Variants in SPECC1 observed in about 807,000 individuals in gnomAD.
SPECC1 encodes the protein cytospin-B.
Under a neutral mutation model 104.1 loss-of-function variants are expected in SPECC1, and 62 were observed. The ratio of observed to expected loss-of-function variants is 0.60; its 90% CI spans 0.49 to 0.74. SPECC1 has a LOEUF of 0.74. SPECC1 is among the 30% of genes least tolerant of loss of function. The probability of loss-of-function intolerance (pLI) is 0.00; values close to 1 mark genes in which losing one functional copy is unlikely to be tolerated. For missense variants in SPECC1, 1,306 were observed against 1,310.5 expected (o/e 1.00, Z 0.05); for synonymous variants, 513 against 501.6 (o/e 1.02, Z -0.30).
chr17:20,185,848 T>A (rs1597912992), intron 3 of SPECC1, among the ~76,000 whole-genome samples: 1 of 152,016 alleles, frequency 6.6e-6, no homozygotes, highest in Admixed American at 6.6e-5. Flanking sequence ...TATTTATTTA[T>A]TTTTTTTGAG....
intron 12 of SPECC1, among the ~76,000 whole-genome samples, chr17:20,265,839 C>T (rs1441983774): frequency 6.6e-6 from 1 of 152,148 alleles, no homozygotes; most frequent in Non-Finnish European, 1.5e-5. Flanking sequence ...GCAGCATTTG[C>T]TGAATAGGGA....
chr17:20,257,953 CAT>C (rs1414611599), intron 11 of SPECC1, among the ~76,000 whole-genome samples: 2 of 152,174 alleles, frequency 1.3e-5, no homozygotes, highest in East Asian at 3.9e-4. Context: ...TGGGTGGTGT[CAT>C]GTGTCTGAAC....
rs555517530 is a variant in SPECC1, at chr17:20,160,469, C to T, written c.284-43864C>T. 2.2e-3 allele frequency among the ~76,000 whole-genome samples: 331 copies of T among 152,246 alleles called. 1 individual carries two copies. The highest frequency in any genetic ancestry group is 4.0e-3 in the Admixed American group (61 of 15,298). On this transcript the variant is annotated intron_variant, in intron 3 of 14. Coordinates refer to ENST00000395527, the MANE Select transcript of SPECC1 (RefSeq NM_001243439.2). ...GACCCACTGACATGCCAGGGGACTG[C>T]ATCAAGCAGAGAGCATGCATATTGG...
At chr17:20,257,241 A>G (rs1368952785) in intron 10 of SPECC1, among the ~76,000 whole-genome samples, 2 of 152,218 alleles carry the variant, frequency 1.3e-5, no homozygotes, top group Non-Finnish European at 2.9e-5. Context: ...ATTTTTGAGC[A>G]GGAGGTTGAT....
intron 3 of SPECC1, among the ~76,000 whole-genome samples, chr17:20,178,063 C>T (rs1341620250): frequency 6.6e-6 from 1 of 152,058 alleles, no homozygotes; most frequent in Non-Finnish European, 1.5e-5. Context: ...CCCTGTCACC[C>T]AGGCTGGGGT....
At chr17:20,026,960 T>G (rs767731127) in intron 1 of SPECC1, among the ~76,000 whole-genome samples, 2 of 152,104 alleles carry the variant, frequency 1.3e-5, no homozygotes, top group Non-Finnish European at 2.9e-5. Flanking sequence ...ATATTTTGTC[T>G]TTTTGATAGT....
chr17:20,262,123 T>G (rs1193347361), intron 12 of SPECC1, among the ~76,000 whole-genome samples: 1 of 152,218 alleles, frequency 6.6e-6, no homozygotes, highest in African/African-American at 2.4e-5. Context: ...TTTATCCTCA[T>G]TGTTGCATAT....
At chr17:20,262,980 A>G (rs966461151) in intron 12 of SPECC1, among the ~76,000 whole-genome samples, 3 of 152,080 alleles carry the variant, frequency 2.0e-5, no homozygotes, top group Non-Finnish European at 2.9e-5. Context: ...ACTGTAGTGC[A>G]GTGTGGGTCA....
chr17:20,201,242 C>T (rs1055530916), intron 3 of SPECC1, among the ~76,000 whole-genome samples: 19 of 151,616 alleles, frequency 1.3e-4, no homozygotes, highest in African/African-American at 4.4e-4. Context: ...GGGAGATCAC[C>T]TGAGGTCAGG....
chr17:20,213,053 C>G, intron 4 of SPECC1, among the ~76,000 whole-genome samples: 1 of 151,988 alleles, frequency 6.6e-6, no homozygotes, highest in East Asian at 1.9e-4. Flanking sequence ...TGAAATGAAG[C>G]CAGCATTCAA....
intron 1 of SPECC1, among the ~76,000 whole-genome samples, chr17:20,073,041 C>T (rs960232152): frequency 6.6e-6 from 1 of 152,016 alleles, no homozygotes; most frequent in Non-Finnish European, 1.5e-5. Context: ...TTTTGGAGCT[C>T]CCTGAATTCA....
intron 2 of SPECC1, among the ~76,000 whole-genome samples, chr17:20,110,132 C>T (rs1369897391): frequency 3.3e-5 from 5 of 152,200 alleles, no homozygotes; most frequent in Admixed American, 2.6e-4. Context: ...TCACTGTGCC[C>T]AGCCACATTT....
chr17:20,135,200 A>G (rs2049855152), intron 3 of SPECC1, among the ~76,000 whole-genome samples: 1 of 152,182 alleles, frequency 6.6e-6, no homozygotes, highest in African/African-American at 2.4e-5. Context: ...CACTTCAAAA[A>G]GTAGTTTAAT....
intron 1 of SPECC1, among the ~76,000 whole-genome samples, chr17:20,080,335 A>C (rs1255695077): frequency 6.6e-6 from 1 of 152,152 alleles, no homozygotes; most frequent in Non-Finnish European, 1.5e-5. Context: ...ACTGTAGGAA[A>C]GAGATGACAG....
intron 1 of SPECC1, among the ~76,000 whole-genome samples, chr17:20,077,535 C>T (rs972959551): frequency 7.2e-5 from 11 of 152,044 alleles, no homozygotes; most frequent in East Asian, 1.9e-4. Flanking sequence ...GGTACAATCT[C>T]GTCTCACCAC....
intron 2 of SPECC1, among the ~76,000 whole-genome samples, chr17:20,105,465 G>A (rs1248924160): frequency 6.6e-6 from 1 of 152,144 alleles, no homozygotes; most frequent in Non-Finnish European, 1.5e-5. Flanking sequence ...CCTCCTTCCT[G>A]TGTGATTGCA....
intron 7 of SPECC1, among the ~76,000 whole-genome samples, chr17:20,242,908 C>T (rs907876226): frequency 2.0e-5 from 3 of 152,106 alleles, no homozygotes; most frequent in African/African-American, 7.2e-5. Flanking sequence ...CTGAAATTAT[C>T]GATTATTATC....
intron 3 of SPECC1, among the ~76,000 whole-genome samples, chr17:20,144,741 G>A (rs568815357): frequency 6.6e-6 from 1 of 152,306 alleles, no homozygotes; most frequent in South Asian, 2.1e-4. Flanking sequence ...AATAGCTGGG[G>A]CTACTGGCAT....
Position 20,257,448 on chromosome 17 carries a change from C to T in SPECC1, c.2681-3C>T, listed in dbSNP as rs2039872731. The T allele has an allele frequency of 1.9e-6, 3 of 1,564,364 alleles. No homozygotes were observed. The highest frequency in any genetic ancestry group is 2.6e-6 in the Non-Finnish European group (3 of 1,161,384). ...ATGAGTGATTATGTGGTTGTTCCCA[C>T]AGATATTCTAAAGGGAAGGACTGAG... is the stretch of plus-strand genomic sequence containing the variant. On this transcript the variant is annotated splice_polypyrimidine_tract_variant and splice_region_variant and intron_variant, in intron 10 of 14. Coordinates refer to ENST00000395527, the MANE Select transcript of SPECC1 (RefSeq NM_001243439.2).
Sources: gnomAD v4.1 joint callset for allele counts (sites outside exome capture counted in the v4.1 genomes callset) on GRCh38, gnomAD v4.1.1 for gene constraint, MANE v1.5 for transcripts, NCBI Gene and HGNC (gene_info 2026-07-23, HGNC 2026-07-21) for gene names.